CCDC175: variants seen among roughly 807,000 people sequenced by gnomAD.
The protein encoded by CCDC175 is coiled-coil domain containing 175.
A neutral mutation model predicts 114.6 loss-of-function variants in CCDC175; 100 were observed. The ratio of observed to expected loss-of-function variants is 0.87; its 90% CI spans 0.74 to 1.03. The LOEUF (loss-of-function observed/expected upper bound fraction) is 1.03, where lower values mean the gene tolerates loss of function less well. CCDC175 is among the 50% of genes least tolerant of loss of function. CCDC175 has a pLI of 0.00. For synonymous variants in CCDC175, 306 were observed against 308.7 expected (o/e 0.99, Z 0.09); for missense variants, 880 against 917.8 (o/e 0.96, Z 0.53).
intron 16 of CCDC175, among the ~76,000 whole-genome samples, chr14:59,522,807 T>C (rs1893497054): frequency 6.6e-6 from 1 of 152,244 alleles, no homozygotes; most frequent in African/African-American, 2.4e-5. Flanking sequence ...ACTGTATGTG[T>C]CTTGTTCAGA....
chr14:59,549,456 T>G (rs1895320176), intron 8 of CCDC175, among the ~76,000 whole-genome samples: 1 of 152,136 alleles, frequency 6.6e-6, no homozygotes, highest in Admixed American at 6.5e-5. Context: ...GAGGCTATAG[T>G]GATTTGTGAC....
intron 12 of CCDC175, 134 bp from the exon 13 acceptor site, chr14:59,538,288 A>C (rs1894537059): frequency 1.4e-6 from 1 of 703,488 alleles, no homozygotes; most frequent in African/African-American, 1.8e-5. Flanking sequence ...CTCAGCAACC[A>C]CTGAGAGGAA....
chr14:59,535,736 C>T (rs8011952), intron 13 of CCDC175, among the ~76,000 whole-genome samples: 2 of 152,188 alleles, frequency 1.3e-5, no homozygotes, highest in East Asian at 1.9e-4. Flanking sequence ...AGCCCAGACA[C>T]AACAAAGGAC....
chr14:59,564,970 A>T (rs548688627), intron 5 of CCDC175, 77 bp downstream of exon 5: 75 of 1,133,278 alleles, frequency 6.6e-5, no homozygotes, highest in Non-Finnish European at 9.2e-5. Flanking sequence ...AGCCTTGAGG[A>T]CAAATAAATT....
intron 7 of CCDC175, among the ~76,000 whole-genome samples, chr14:59,551,815 G>T (rs1895512689): frequency 6.6e-6 from 1 of 152,208 alleles, no homozygotes; most frequent in Non-Finnish European, 1.5e-5. Context: ...CACACCAGGA[G>T]ATTATATCCC....
Position 59,511,799 on chromosome 14 carries a change from T to A in CCDC175, c.2103A>T (p.Gln701His). 1 of 1,534,020 alleles carries A rather than the reference T, an allele frequency of 6.5e-7. No homozygotes were observed. The highest frequency in any genetic ancestry group is 2.4e-5 in the East Asian group (1 of 40,894). The change falls in exon 18 of 20, where the codon CAA (glutamine) becomes CAT (histidine). Residue 701 changes from glutamine (Q) to histidine (H), a missense_variant. By Grantham distance (24) the Gln-to-His change is conservative (BLOSUM62 0). Transcript: ENST00000537690. Reference protein sequence around the residue: ...LSRQLIAQEAQYKDLWAEFQT... With the variant: ...LSRQLIAQEAHYKDLWAEFQT... Reference sequence around the variant, plus strand: ...GAAATTCAGCCCACAAATCCTTATATTGTGCTAAAATAAAGATTTAAAAAA... The same window carrying A: ...GAAATTCAGCCCACAAATCCTTATAATGTGCTAAAATAAAGATTTAAAAAA...
intron 14 of CCDC175, among the ~76,000 whole-genome samples, chr14:59,529,438 C>G (rs779834344): frequency 2.0e-5 from 3 of 152,148 alleles, no homozygotes; most frequent in Admixed American, 6.5e-5. Context: ...TCTAATTGCT[C>G]TTTATAAAGA....
At chr14:59,537,238 C>A (rs1375321592) in intron 13 of CCDC175, among the ~76,000 whole-genome samples, 1 of 152,104 alleles carries the variant, frequency 6.6e-6, no homozygotes, top group Non-Finnish European at 1.5e-5. Context: ...ATAGAAAGAA[C>A]TGGCTGTCCT....
chr14:59,566,069 A>T (rs1444455754), intron 4 of CCDC175, among the ~76,000 whole-genome samples: 7 of 152,212 alleles, frequency 4.6e-5, no homozygotes, highest in African/African-American at 1.7e-4. Context: ...TCCTCTGGAT[A>T]GAAACTAGGG....
At chr14:59,540,198 A>G (rs1042692605) in intron 11 of CCDC175, among the ~76,000 whole-genome samples, 1 of 152,208 alleles carries the variant, frequency 6.6e-6, no homozygotes, top group Non-Finnish European at 1.5e-5. Flanking sequence ...TTACATTCAC[A>G]GCTACTTTAT....
chr14:59,561,313 A>G (rs1477829543), intron 6 of CCDC175, 85 bp from the exon 7 acceptor site: 2 of 623,410 alleles, frequency 3.2e-6, no homozygotes, highest in South Asian at 2.3e-5. Flanking sequence ...ATATTCATGA[A>G]TTACTCATTC....
At chr14:59,517,603 C>A in intron 17 of CCDC175, among the ~76,000 whole-genome samples, 1 of 152,266 alleles carries the variant, frequency 6.6e-6, no homozygotes, top group Non-Finnish European at 1.5e-5. Flanking sequence ...CCTAGGAATC[C>A]AACTTACAAG....
chr14:59,507,339 C>T (rs1892487916), intron 19 of CCDC175, among the ~76,000 whole-genome samples: 2 of 152,234 alleles, frequency 1.3e-5, no homozygotes, highest in Non-Finnish European at 2.9e-5. Flanking sequence ...AATGTATTTT[C>T]ATCAGCTCTT....
intron 7 of CCDC175, among the ~76,000 whole-genome samples, chr14:59,557,316 G>A (rs904879625): frequency 6.6e-6 from 1 of 151,974 alleles, no homozygotes; most frequent in African/African-American, 2.4e-5. Context: ...GTCCTTTGTA[G>A]GGACATGGAT....
chr14:59,525,355 T>TTTCAAAATGTTTCAAATGA lies in CCDC175; in HGVS notation c.1921_1922insTCATTTGAAACATTTTGAA (p.Asn641IlefsTer3), dbSNP rs1254123832. On this transcript the variant is annotated stop_gained and frameshift_variant, in exon 16 of 20. Transcript: ENST00000537690. LOFTEE classifies it high-confidence loss of function. ...ATTTATATAGAATCCATTTTCTAAGTTCTTTAGAGTTTCAAAATGATCTTT... is the reference window on the plus strand; with the variant it reads ...ATTTATATAGAATCCATTTTCTAAGTTTCAAAATGTTTCAAATGATCTTTAGAGTTTCAAAATGATCTTT... 1 of 1,514,426 alleles carries TTTCAAAATGTTTCAAATGA rather than the reference T, an allele frequency of 6.6e-7. No individual in the cohort carries two copies. The highest frequency in any genetic ancestry group is 8.8e-7 in the Non-Finnish European group (1 of 1,138,096). 93.8% of individuals were successfully genotyped at this position (1,514,426 alleles called of 1,614,324 possible).
intron 17 of CCDC175, among the ~76,000 whole-genome samples, chr14:59,513,661 C>T (rs1892881910): frequency 6.6e-6 from 1 of 152,194 alleles, no homozygotes; most frequent in Admixed American, 6.5e-5. Flanking sequence ...GTAAACAAAG[C>T]AGCCTGGAAG....
At chr14:59,543,807 T>C (rs575331753) in intron 9 of CCDC175, among the ~76,000 whole-genome samples, 49 of 152,284 alleles carry the variant, frequency 3.2e-4, no homozygotes, top group Admixed American at 5.9e-4. Flanking sequence ...CATAGGATTT[T>C]CATAAAATTT....
In CCDC175 at chr14:59,572,820, A is replaced by T. The variant is rs1245097124; in HGVS notation, c.244-7T>A. The T allele has an allele frequency of 4.7e-6, 7 of 1,477,640 alleles. No individual in the cohort carries two copies. Among genetic ancestry groups the T allele is most frequent in the Middle Eastern group, 1.7e-4 (1 of 5,760 alleles). 91.5% of individuals were successfully genotyped at this position (1,477,640 alleles called of 1,614,324 possible). A position where few individuals can be genotyped will look rare whatever the true frequency, so the allele number is the denominator to read the frequency against. On this transcript the variant is annotated splice_region_variant and splice_polypyrimidine_tract_variant and intron_variant, in intron 2 of 19. Transcript: ENST00000537690. ...TGGCTTTTCTCATTTCTTCCTGAAAATTTAAATTACATTTTTAAAAAGTTA... is the reference window on the plus strand; with the variant it reads ...TGGCTTTTCTCATTTCTTCCTGAAATTTTAAATTACATTTTTAAAAAGTTA...
rs1416875805 is a variant in CCDC175 at position 59,551,376 on chromosome 14, T to C, written c.1014A>G (p.Glu338=). 79 of 1,431,696 alleles carry C rather than the reference T, an allele frequency of 5.5e-5. 1 individual carries two copies. In the East Asian group the frequency reaches 2.0e-3, roughly 36 times the overall value. The allele number at this position is 1,431,696 out of a possible 1,614,324, so 88.7% of individuals were successfully genotyped here. The change falls in exon 8 of 20, where the codon GAA becomes GAG. Residue 338 remains glutamate, a synonymous_variant. Coordinates refer to ENST00000537690, the MANE Select transcript of CCDC175 (RefSeq NM_001164399.2). ...LDDISNDEKN[E]FLNKIKQLVE... is the part of the protein sequence containing the mutation. ...TTACCTGTTTTATCTTGTTCAGGAA[T>C]TCATTTTTTTCATCATTAGATATAT...
Sources: gnomAD v4.1 joint callset for allele counts (sites outside exome capture counted in the v4.1 genomes callset) on GRCh38, gnomAD v4.1.1 for gene constraint, MANE v1.5 for transcripts, NCBI Gene and HGNC (gene_info 2026-07-23, HGNC 2026-07-21) for gene names.